LMBRD2: variants seen among roughly 807,000 people sequenced by gnomAD.
LMBRD2 encodes the protein LMBR1 domain containing 2.
In LMBRD2, 55 loss-of-function variants were observed where a neutral mutation model predicts 94.4. That is an observed-to-expected ratio of 0.58 (90% CI 0.47 to 0.73). LMBRD2 has a LOEUF of 0.73. Ranked by LOEUF, LMBRD2 falls within the 30% of genes least tolerant of loss-of-function variation. The pLI is 0.00. For missense variants in LMBRD2, 640 were observed against 831.9 expected (o/e 0.77, Z 2.84); for synonymous variants, 246 against 272.4 (o/e 0.90, Z 0.95).
intron 4 of LMBRD2, 48 bp downstream of exon 4, chr5:36,141,059 A>T: frequency 1.0e-6 from 1 of 990,310 alleles, no homozygotes. Flanking sequence ...AAAACATTTT[A>T]TTCCTTTAGC....
intron 10 of LMBRD2, among the ~76,000 whole-genome samples, chr5:36,117,174 T>C (rs1380928903): frequency 1.3e-5 from 2 of 152,070 alleles, no homozygotes; most frequent in Non-Finnish European, 2.9e-5. Context: ...ATGAGGCCTA[T>C]AAGTTATGTA....
intron 3 of LMBRD2, among the ~76,000 whole-genome samples, chr5:36,141,527 T>A (rs1011266332): frequency 6.6e-6 from 1 of 151,902 alleles, no homozygotes; most frequent in Admixed American, 6.6e-5. Flanking sequence ...AGCAAATGTA[T>A]TATGAAATAA....
intron 6 of LMBRD2, among the ~76,000 whole-genome samples, chr5:36,127,915 T>C (rs997805709): frequency 6.6e-6 from 1 of 152,158 alleles, no homozygotes; most frequent in Non-Finnish European, 1.5e-5. Context: ...ACATAGACGG[T>C]AGCCAGGCAG....
At chr5:36,137,087 A>T (rs1365079883) in intron 5 of LMBRD2, among the ~76,000 whole-genome samples, 187 bp downstream of exon 5, 1 of 152,186 alleles carries the variant, frequency 6.6e-6, no homozygotes. Context: ...ATCTATATTT[A>T]AAGATGTCAT....
At chr5:36,127,750 G>A (rs1464492799) in intron 6 of LMBRD2, among the ~76,000 whole-genome samples, 1 of 152,232 alleles carries the variant, frequency 6.6e-6, no homozygotes, top group Non-Finnish European at 1.5e-5. Context: ...TTAGCCACAG[G>A]TAGATTCCTA....
chr5:36,136,887 T>C (rs1317158675), intron 5 of LMBRD2, among the ~76,000 whole-genome samples: 4 of 152,132 alleles, frequency 2.6e-5, no homozygotes, highest in African/African-American at 9.7e-5. Context: ...TATTGAAATA[T>C]CTAAATCCAA....
In LMBRD2 at chr5:36,115,353, T is replaced by C. The variant is rs372120339; in HGVS notation, c.1437-233A>G. ...TACAGCCTCAAGCTCCTTGCTTTTA[T>C]GGTTTCTGCCATTGCTTTATCCCCA... is the stretch of plus-strand genomic sequence containing the variant. On this transcript the variant is annotated intron_variant, in intron 11 of 17. Coordinates refer to ENST00000296603, the MANE Select transcript of LMBRD2 (RefSeq NM_001007527.2). 1.1e-4 allele frequency among the ~76,000 whole-genome samples: 16 copies of C among 152,328 alleles called. No individual in the cohort carries two copies. The East Asian group carries it at 3.1e-3, about 29-fold the overall frequency.
chr5:36,124,307 C>A (rs945735592), intron 6 of LMBRD2, 42 bp from the exon 7 acceptor site: 2 of 1,176,536 alleles, frequency 1.7e-6, no homozygotes, highest in Admixed American at 3.6e-5. Flanking sequence ...TCCATTTCTA[C>A]AGATCACATA....
intron 6 of LMBRD2, among the ~76,000 whole-genome samples, chr5:36,133,270 G>T (rs1744195177): frequency 6.6e-6 from 1 of 151,810 alleles, no homozygotes; most frequent in Admixed American, 6.6e-5. Flanking sequence ...GGAGTTAGAG[G>T]TCACTATGTT....
At chr5:36,119,296 C>A (rs1367461682) in intron 9 of LMBRD2, among the ~76,000 whole-genome samples, 1 of 152,150 alleles carries the variant, frequency 6.6e-6, no homozygotes, top group Non-Finnish European at 1.5e-5. Context: ...TATCTCCAGC[C>A]CTTCCATATA....
At chr5:36,132,793 TG>T (rs1744185917) in intron 6 of LMBRD2, among the ~76,000 whole-genome samples, 1 of 151,958 alleles carries the variant, frequency 6.6e-6, no homozygotes, top group Admixed American at 6.6e-5. Context: ...CAATTGTAAA[TG>T]GGGTTTCTTT....
At chr5:36,138,940 C>A (rs1419906039) in intron 4 of LMBRD2, among the ~76,000 whole-genome samples, 1 of 152,194 alleles carries the variant, frequency 6.6e-6, no homozygotes, top group Non-Finnish European at 1.5e-5. Context: ...TGGCCCCCAG[C>A]AAAGTTGCTG....
At chr5:36,146,890 A>G (rs1446116976) in intron 1 of LMBRD2, among the ~76,000 whole-genome samples, 2 of 151,920 alleles carry the variant, frequency 1.3e-5, no homozygotes, top group Non-Finnish European at 2.9e-5. Flanking sequence ...ACAAATTAAC[A>G]TATCTATCTC....
At position 36,115,231 on chromosome 5, in the gene LMBRD2, A is replaced by G. The variant is rs1255733419; in HGVS notation, c.1437-111T>C. The G allele has an allele frequency of 1.3e-5, 8 of 613,252 alleles. 1 individual carries two copies. The highest frequency in any genetic ancestry group is 1.3e-4 in the East Asian group (4 of 31,968). 38.0% of individuals were successfully genotyped at this position (613,252 alleles called of 1,614,324 possible). Reference sequence around the variant, plus strand: ...TCAGATAATTATAGCTAAAATTTTCATCTATTTGCTTTATATATATATTGA... The same window carrying G: ...TCAGATAATTATAGCTAAAATTTTCGTCTATTTGCTTTATATATATATTGA... On this transcript the variant is annotated intron_variant, in intron 11 of 17. Transcript: ENST00000296603.
In LMBRD2 at chr5:36,102,668, TTAAAAA is replaced by T. The variant is rs1049723274; in HGVS notation, c.*1372_*1377del. ...AAAAAAACTTACATGATAATATTTA[TTAAAAA>T]TAAAAATAAAAATTTTAAATTTATG... On this transcript the variant is annotated 3_prime_UTR_variant, in exon 18 of 18. Coordinates refer to ENST00000296603, the MANE Select transcript of LMBRD2 (RefSeq NM_001007527.2). The T allele has an allele frequency of 2.6e-5, 4 of 151,620 alleles. No homozygotes were observed. The highest frequency in any genetic ancestry group is 4.8e-5 in the African/African-American group (2 of 41,368). 9.4% of individuals were successfully genotyped at this position (151,620 alleles called of 1,614,324 possible). A position where few individuals can be genotyped will look rare whatever the true frequency, so the allele number is the denominator to read the frequency against.
intron 1 of LMBRD2, among the ~76,000 whole-genome samples, chr5:36,146,854 T>A (rs773600033): frequency 1.3e-5 from 2 of 152,182 alleles, no homozygotes; most frequent in Admixed American, 1.3e-4. Context: ...ACTGTACATA[T>A]ACAGTGAAAT....
In LMBRD2 at chr5:36,136,474, AC is replaced by A. The variant is rs1744274609; in HGVS notation, c.581del (p.Gly194ValfsTer31). The A allele has an allele frequency of 6.2e-7, 1 of 1,613,734 alleles. No homozygotes were observed. The highest frequency in any genetic ancestry group is 1.7e-5 in the Admixed American group (1 of 59,948). On this transcript the variant is annotated frameshift_variant, in exon 6 of 18. Transcript: ENST00000296603. LOFTEE classifies it high-confidence loss of function. Reference sequence around the variant, plus strand: ...CCAACAACAACACAAGAAGAAACAGACCCCATGTATTTGCAGCAGCTATCCC... The same window carrying A: ...CCAACAACAACACAAGAAGAAACAGACCCATGTATTTGCAGCAGCTATCCC... ...TIGIAAANTW[G>X]LFLLVLLLGY...
At position 36,128,399 on chromosome 5, in the gene LMBRD2, G is replaced by A. The variant is rs114557429; in HGVS notation, c.748-4134C>T. Reference sequence around the variant, plus strand: ...CATCCACAAGAATCAAGCCCATCCAGAAAAACATGACCTCACCAAATGAAC... The same window carrying A: ...CATCCACAAGAATCAAGCCCATCCAAAAAAACATGACCTCACCAAATGAAC... On this transcript the variant is annotated intron_variant, in intron 6 of 17. Transcript: ENST00000296603. Among the ~76,000 whole-genome samples the A allele has an allele frequency of 9.8e-4, 149 of 152,274 alleles. No homozygotes were observed. The Middle Eastern group carries it at 0.02, about 21-fold the overall frequency.
chr5:36,139,882 G>T (rs991992617), intron 4 of LMBRD2, among the ~76,000 whole-genome samples: 2 of 152,162 alleles, frequency 1.3e-5, no homozygotes, highest in Non-Finnish European at 2.9e-5. Flanking sequence ...CCCTCCAGTT[G>T]TCTGCATACC....
Sources: allele counts gnomAD v4.1 joint callset (sites outside exome capture counted in the v4.1 genomes callset), GRCh38; gene constraint gnomAD v4.1.1; transcripts MANE v1.5; gene names NCBI Gene and HGNC (gene_info 2026-07-23, HGNC 2026-07-21).